PTPN13: variants seen among roughly 807,000 people sequenced by gnomAD.
The protein encoded by PTPN13 is tyrosine-protein phosphatase non-receptor type 13.
A neutral mutation model predicts 284.0 loss-of-function variants in PTPN13; 191 were observed. That is an observed-to-expected ratio of 0.67 (90% CI 0.60 to 0.76). The LOEUF (loss-of-function observed/expected upper bound fraction) is 0.76. PTPN13 is among the 30% of genes least tolerant of loss of function. PTPN13 has a pLI of 0.00. For missense variants in PTPN13, 2,797 were observed against 2,939.9 expected (o/e 0.95, Z 1.12); for synonymous variants, 986 against 1,022.3 (o/e 0.96, Z 0.68).
intron 2 of PTPN13, among the ~76,000 whole-genome samples, chr4:86,666,977 C>A (rs1201167798): frequency 1.3e-5 from 2 of 152,210 alleles, no homozygotes; most frequent in African/African-American, 4.8e-5. Context: ...TTCCAGCTTG[C>A]TTGTCCGTCT....
In PTPN13 at chr4:86,724,058, C is replaced by A. The variant is rs1245253692; in HGVS notation, c.1608+1624C>A. Among the ~76,000 whole-genome samples, 3 of 152,080 alleles carry A rather than the reference C, an allele frequency of 2.0e-5. No individual in the cohort carries two copies. In the East Asian group the frequency reaches 5.8e-4, roughly 29 times the overall value. On this transcript the variant is annotated intron_variant, in intron 10 of 47. Coordinates refer to ENST00000411767, the MANE Select transcript of PTPN13 (RefSeq NM_080683.3). ...CAAATTGGAAGACATGTATTCTATT[C>A]CTTATGATGCTGTTATATGACTTTA... is the stretch of plus-strand genomic sequence containing the variant.
rs144717145 is a variant in PTPN13, at chr4:86,731,441, CT to C, written c.1609-956del. Among the ~76,000 whole-genome samples the C allele has an allele frequency of 5.0e-3, 755 of 152,266 alleles. 10 individuals are homozygous for C. The highest frequency in any genetic ancestry group is 0.034 in the East Asian group (177 of 5,188). On this transcript the variant is annotated intron_variant, in intron 10 of 47. Coordinates refer to ENST00000411767, the MANE Select transcript of PTPN13 (RefSeq NM_080683.3). Reference sequence around the variant, plus strand: ...CTCTACTTTCCCCATCTCATGGGTCCTTTATTTCCTGAAATATTTTCTTGCT... The same window carrying C: ...CTCTACTTTCCCCATCTCATGGGTCCTTATTTCCTGAAATATTTTCTTGCT...
chr4:86,734,310 AT>A lies in PTPN13; in HGVS notation c.1867del (p.Tyr623IlefsTer8), dbSNP rs1401782034. On this transcript the variant is annotated frameshift_variant, in exon 13 of 48. Transcript: ENST00000411767. LOFTEE classifies it high-confidence loss of function. ...FALATLKDNE[Y>X]FFVDPDLKLT... ...TTTTCTCATTCTGTTTAGATAATGA[AT>A]ATTTCTTTGTTGATCCTGACTTAAA... 6.7e-7 allele frequency: 1 copy of A among 1,501,490 alleles called. No homozygotes were observed. The highest frequency in any genetic ancestry group is 8.9e-7 in the Non-Finnish European group (1 of 1,119,178). The allele number at this position is 1,501,490 out of a possible 1,614,324, so 93.0% of individuals were successfully genotyped here.
chr4:86,764,177 A>G (rs1022835773), intron 24 of PTPN13, among the ~76,000 whole-genome samples: 3 of 152,194 alleles, frequency 2.0e-5, no homozygotes, highest in African/African-American at 7.2e-5. Context: ...ATTAAAGGAA[A>G]TAAAACTAAT....
chr4:86,685,631 C>T (rs973129450), intron 3 of PTPN13, among the ~76,000 whole-genome samples: 2 of 152,144 alleles, frequency 1.3e-5, no homozygotes, highest in African/African-American at 2.4e-5. Flanking sequence ...AAAACAAAAA[C>T]GGCAGTGATG....
chr4:86,731,577 G>T (rs961647964), intron 10 of PTPN13, among the ~76,000 whole-genome samples: 4 of 152,140 alleles, frequency 2.6e-5, no homozygotes, highest in African/African-American at 4.8e-5. Flanking sequence ...ATTACAGGTG[G>T]ATATATACAT....
intron 2 of PTPN13, among the ~76,000 whole-genome samples, chr4:86,651,571 T>G (rs1725078623): frequency 6.6e-6 from 1 of 152,222 alleles, no homozygotes; most frequent in African/African-American, 2.4e-5. Context: ...ATTACTTTTT[T>G]AAATGTTTAG....
At chr4:86,612,037 G>T (rs977001172) in intron 1 of PTPN13, among the ~76,000 whole-genome samples, 4 of 152,148 alleles carry the variant, frequency 2.6e-5, no homozygotes, top group African/African-American at 4.8e-5. Flanking sequence ...AGAATCTTAC[G>T]CAGTAGTGAG....
intron 1 of PTPN13, among the ~76,000 whole-genome samples, chr4:86,607,641 T>C (rs1764904445): frequency 1.3e-5 from 2 of 151,952 alleles, no homozygotes; most frequent in Non-Finnish European, 1.5e-5. Flanking sequence ...CTCATATCAG[T>C]AGTGTCTTTT....
intron 45 of PTPN13, among the ~76,000 whole-genome samples, chr4:86,809,057 T>G (rs1045507040): frequency 6.6e-6 from 1 of 152,076 alleles, no homozygotes; most frequent in Non-Finnish European, 1.5e-5. Context: ...CACATTGTAT[T>G]TAAAGCCACA....
chr4:86,655,532 T>C (rs894237936), intron 2 of PTPN13, among the ~76,000 whole-genome samples: 2 of 152,192 alleles, frequency 1.3e-5, no homozygotes, highest in African/African-American at 4.8e-5. Context: ...AAATTCTGGG[T>C]TGAAAATTCT....
rs1290837399 is a variant in PTPN13, at chr4:86,624,034, A to C, written c.-5-11218A>C. On this transcript the variant is annotated intron_variant, in intron 1 of 47. Coordinates refer to ENST00000411767, the MANE Select transcript of PTPN13 (RefSeq NM_080683.3). ...TCATAGTAAATAATAAATATTTGTT[A>C]ATTGATTGAATAAAAACCTAGCACC... 2.0e-5 allele frequency among the ~76,000 whole-genome samples: 3 copies of C among 152,146 alleles called. No homozygotes were observed. The East Asian group carries it at 5.8e-4, about 29-fold the overall frequency.
At chr4:86,657,445 C>T (rs1725983801) in intron 2 of PTPN13, among the ~76,000 whole-genome samples, 1 of 152,188 alleles carries the variant, frequency 6.6e-6, no homozygotes, top group South Asian at 2.1e-4. Context: ...CCTAGGTTAG[C>T]AGGCAAAGTC....
At chr4:86,718,034 G>C (rs1364007276) in intron 9 of PTPN13, among the ~76,000 whole-genome samples, 1 of 152,130 alleles carries the variant, frequency 6.6e-6, no homozygotes, top group African/African-American at 2.4e-5. Context: ...TTATAGCTGT[G>C]TGTTGATTTA....
chr4:86,765,030 G>A (rs894985741), intron 25 of PTPN13, among the ~76,000 whole-genome samples: 2 of 152,000 alleles, frequency 1.3e-5, no homozygotes, highest in South Asian at 4.1e-4. Flanking sequence ...CAGTTTCTAC[G>A]TGAGCATAGA....
At chr4:86,597,645 CT>C (rs1763935719) in intron 1 of PTPN13, among the ~76,000 whole-genome samples, 1 of 152,144 alleles carries the variant, frequency 6.6e-6, no homozygotes, top group Admixed American at 6.5e-5. Context: ...GACCCTTATT[CT>C]TGTTTAGTGT....
Position 86,772,502 on chromosome 4 carries a change from C to T in PTPN13, c.5169-276C>T, listed in dbSNP as rs143918490. ...CTGGGAGGCAGAGGCTGCAGTGAGC[C>T]GAGATTTCACCACTGCACTCCAGCC... On this transcript the variant is annotated intron_variant, in intron 31 of 47. Coordinates refer to ENST00000411767, the MANE Select transcript of PTPN13 (RefSeq NM_080683.3). 1.4e-3 allele frequency among the ~76,000 whole-genome samples: 207 copies of T among 151,996 alleles called. 2 individuals are homozygous for T. Among genetic ancestry groups the T allele is most frequent in the African/African-American group, 4.8e-3 (197 of 41,464 alleles).
At chr4:86,743,123 G>A (rs1306983590) in intron 16 of PTPN13, among the ~76,000 whole-genome samples, 1 of 152,028 alleles carries the variant, frequency 6.6e-6, no homozygotes, top group Non-Finnish European at 1.5e-5. Context: ...TCTCACAACT[G>A]AGTTCTCTCA....
intron 5 of PTPN13, chr4:86,689,767 A>G: frequency 1.4e-6 from 1 of 702,210 alleles, no homozygotes; most frequent in Non-Finnish European, 2.6e-6. Flanking sequence ...AAGAATCCCA[A>G]GAATAACCAA....
Sources: gnomAD v4.1 joint callset for allele counts (sites outside exome capture counted in the v4.1 genomes callset) on GRCh38, gnomAD v4.1.1 for gene constraint, MANE v1.5 for transcripts, NCBI Gene and HGNC (gene_info 2026-07-23, HGNC 2026-07-21) for gene names.